The following B9D1 variants were observed in gnomAD, a reference collection of about 807,000 sequenced individuals.
B9D1 encodes B9 domain-containing protein 1.
In B9D1, 20 loss-of-function variants were observed where a neutral mutation model predicts 26.1. That is an observed-to-expected ratio of 0.77 (90% CI 0.54 to 1.12). The LOEUF is 1.12. B9D1 is among the 50% of genes most tolerant of loss of function. B9D1 has a pLI of 0.00. For missense variants in B9D1, 260 were observed against 273.7 expected, an observed-to-expected ratio of 0.95 and a Z score of 0.35; for synonymous variants, 105 against 103.1, an observed-to-expected ratio of 1.02 and a Z score of -0.11.
At chr17:19,364,116 G>A (rs1273366691), upstream of B9D1, among the ~76,000 whole-genome samples, 1 of 152,208 alleles carries the variant, frequency 6.6e-6, no homozygotes, top group Non-Finnish European at 1.5e-5. The surrounding 1 kb of genome is among the most constrained non-coding windows in gnomAD (Gnocchi z 4.3). Flanking sequence ...TTGCACACAA[G>A]TTAGTTTTCA....
intron 3 of B9D1, among the ~76,000 whole-genome samples, chr17:19,352,500 C>T (rs1361260612): frequency 6.6e-6 from 1 of 150,994 alleles, no homozygotes; most frequent in African/African-American, 2.4e-5. Flanking sequence ...AGGCACCTGC[C>T]ACGGGCCTGG....
upstream of B9D1, among the ~76,000 whole-genome samples, chr17:19,364,057 TATCA>T (rs1400592006): frequency 6.6e-6 from 1 of 152,222 alleles, no homozygotes; most frequent in East Asian, 1.9e-4. The surrounding 1 kb of genome is among the most constrained non-coding windows in gnomAD (Gnocchi z 4.3). Context: ...CCACACATTC[TATCA>T]GTCTCACCCA....
At position 19,343,793 on chromosome 17, in the gene B9D1, C is replaced by T. The variant is rs146272049; in HGVS notation, c.469G>A (p.Glu157Lys). The T allele has an allele frequency of 2.9e-5, 47 of 1,613,264 alleles. No individual in the cohort carries two copies. The highest frequency in any genetic ancestry group is 3.9e-5 in the Non-Finnish European group (46 of 1,179,452). The change falls in exon 6 of 7, where the codon GAA (glutamate) becomes AAA (lysine). Residue 157 changes from glutamate (E) to lysine (K), a missense_variant. Glu to Lys is a moderately conservative substitution (Grantham distance 56). Coordinates refer to ENST00000261499, the MANE Select transcript of B9D1 (RefSeq NM_015681.6). ...AAGAGAGGGGAGGGAGCTTTACCTT[C>T]CCGGCCTTCACCCTGAGCCACCACC... The part of the protein sequence containing the change: ...PKVVAQGEGR[E>K]VTRVRSQGFV...
intron 1 of B9D1, among the ~76,000 whole-genome samples, chr17:19,361,178 T>A (rs941903617): frequency 2.6e-5 from 4 of 152,078 alleles, no homozygotes; most frequent in Admixed American, 6.6e-5. Flanking sequence ...GAAAGCAAAC[T>A]CAGGGCTCCC....
chr17:19,337,782 A>G (rs72836802), downstream of B9D1: 89,071 of 1,469,554 alleles, frequency 0.061, 3,042 homozygotes, highest in East Asian at 0.12. Context: ...GGTCAAGCAT[A>G]GATTTCTTAC....
chr17:19,347,970 C>A lies in B9D1; in HGVS notation c.245-90G>T. On this transcript the variant is annotated intron_variant, in intron 3 of 6. Transcript: ENST00000261499. This position sits in a 1 kb window ranked among gnomAD's most constrained non-coding sequence, Gnocchi z 4.3. ...CAGGGCGTGTCCAGCTGAGGGTGCT[C>A]AAAGGATGGAGCTCAAAACTCTGGG... 1 of 1,152,714 alleles carries A rather than the reference C, an allele frequency of 8.7e-7. No homozygotes were observed. Among genetic ancestry groups the A allele is most frequent in the South Asian group, 1.3e-5 (1 of 78,116 alleles). 71.4% of individuals were successfully genotyped at this position (1,152,714 alleles called of 1,614,324 possible). A position where few individuals can be genotyped will look rare whatever the true frequency, so the allele number is the denominator to read the frequency against.
rs752718131 is a variant in B9D1 at position 19,347,824 on chromosome 17, G to C, written c.301C>G (p.Arg101Gly). 1.3e-5 allele frequency: 21 copies of C among 1,613,954 alleles called. No homozygotes were observed. The highest frequency in any genetic ancestry group is 1.6e-5 in the Non-Finnish European group (19 of 1,180,026). Reference sequence around the variant, plus strand: ...GGCACGTGCACGGCCCCATAGCCTCGAACCACATCGTTCCCGAACACATCT... The same window carrying C: ...GGCACGTGCACGGCCCCATAGCCTCCAACCACATCGTTCCCGAACACATCT... ...GPDVFGNDVV[R>G]GYGAVHVPFS... The change falls in exon 4 of 7, where the codon CGA (arginine) becomes GGA (glycine). Residue 101 changes from arginine (R) to glycine (G), a missense_variant. By Grantham distance (125) the Arg-to-Gly change is moderately radical (BLOSUM62 -2). Transcript: ENST00000261499. The surrounding 1 kb of genome is among the most constrained non-coding windows in gnomAD (Gnocchi z 4.3).
intron 3 of B9D1, among the ~76,000 whole-genome samples, chr17:19,351,141 A>C (rs547996656): frequency 6.6e-6 from 1 of 151,848 alleles, no homozygotes; most frequent in African/African-American, 2.4e-5. Context: ...GCCTGGCCTG[A>C]CTCTGACTTT....
chr17:19,365,022 A>C (rs1911513159), upstream of B9D1, among the ~76,000 whole-genome samples: 1 of 152,224 alleles, frequency 6.6e-6, no homozygotes, highest in African/African-American at 2.4e-5. The surrounding 1 kb of genome is among the most constrained non-coding windows in gnomAD (Gnocchi z 5.0). Context: ...CCAGTCTCTC[A>C]ACCATCCCAG....
intron 3 of B9D1, among the ~76,000 whole-genome samples, chr17:19,349,716 G>A (rs1909336170): frequency 6.6e-6 from 1 of 152,120 alleles, no homozygotes; most frequent in African/African-American, 2.4e-5. Flanking sequence ...GTGTGTATAT[G>A]TGTGTTTATC....
In B9D1 at chr17:19,357,860, T is replaced by C; in HGVS notation, c.224A>G (p.Lys75Arg). Reference protein sequence around the residue: ...VWNFPIDVTFKSTNPYGWPQI... With the variant: ...VWNFPIDVTFRSTNPYGWPQI... ...CTCACAGCCGTAGGGGTTGGTGCTT[T>C]TAAAGGTGACATCAATGGGGAAGTT... The change falls in exon 3 of 7, where the codon AAA becomes AGA. Residue 75 changes from lysine (K) to arginine (R), a missense_variant. By Grantham distance (26) the Lys-to-Arg change is conservative. Coordinates refer to ENST00000261499, the MANE Select transcript of B9D1 (RefSeq NM_015681.6). 1 of 1,613,952 alleles carries C rather than the reference T, an allele frequency of 6.2e-7. No individual in the cohort carries two copies. Among genetic ancestry groups the C allele is most frequent in the South Asian group, 1.1e-5 (1 of 91,062 alleles).
At chr17:19,343,092 G>A, downstream of B9D1, 5 of 1,416,064 alleles carry the variant, frequency 3.5e-6, no homozygotes, top group Non-Finnish European at 4.6e-6. Context: ...GAGCCCTGGA[G>A]GTGGGGCCAG....
At chr17:19,374,233 G>C (rs1179095931) in intron 1 of B9D1, among the ~76,000 whole-genome samples, 1 of 152,200 alleles carries the variant, frequency 6.6e-6, no homozygotes, top group Non-Finnish European at 1.5e-5. Flanking sequence ...TGGGGAGGCT[G>C]TCAGGGAGTG....
downstream of B9D1, chr17:19,337,463 T>C: frequency 2.1e-6 from 1 of 468,846 alleles, no homozygotes; most frequent in South Asian, 3.0e-5. Flanking sequence ...CCTGCAGCCC[T>C]CTGCTCTCTG....
chr17:19,375,294 A>C (rs1912052712), intron 1 of B9D1, among the ~76,000 whole-genome samples: 1 of 146,304 alleles, frequency 6.8e-6, no homozygotes, highest in South Asian at 2.2e-4. Flanking sequence ...TCTCAAAAAG[A>C]AAAAAAAAAA....
Position 19,347,928 on chromosome 17 carries a change from A to G in B9D1, c.245-48T>C. 6.5e-7 allele frequency: 1 copy of G among 1,529,634 alleles called. No homozygotes were observed. Among genetic ancestry groups the G allele is most frequent in the Non-Finnish European group, 9.0e-7 (1 of 1,105,170 alleles). 94.8% of individuals were successfully genotyped at this position (1,529,634 alleles called of 1,614,324 possible). On this transcript the variant is annotated intron_variant, in intron 3 of 6. Transcript: ENST00000261499. The surrounding 1 kb of genome is among the most constrained non-coding windows in gnomAD (Gnocchi z 4.3). ...GTGGGCACATGAGGACACACAGGGG[A>G]GGTGCAGGGCAGAGAACAGGGCGTG...
At chr17:19,350,300 C>T (rs9899649) in intron 3 of B9D1, among the ~76,000 whole-genome samples, 108,186 of 151,888 alleles carry the variant, frequency 0.71, 40,647 homozygotes, top group Non-Finnish European at 0.8. Flanking sequence ...AATCCCAGCA[C>T]TTTGGGAGGC....
downstream of B9D1, chr17:19,337,716 A>G (rs1907564136): frequency 6.5e-7 from 1 of 1,534,370 alleles, no homozygotes; most frequent in Non-Finnish European, 8.7e-7. Context: ...ATCTTGAAAC[A>G]CTGCTATCTT....
downstream of B9D1, chr17:19,335,662 G>T (rs1460814385): frequency 2.2e-5 from 9 of 416,298 alleles, no homozygotes; most frequent in East Asian, 3.2e-4. Flanking sequence ...CCACCTACCT[G>T]CTAACTCCAG....
Sources: allele counts gnomAD v4.1 joint callset (sites outside exome capture counted in the v4.1 genomes callset), GRCh38; gene constraint gnomAD v4.1.1; non-coding constraint Gnocchi (gnomAD v3.1); transcripts MANE v1.5; gene names NCBI Gene and HGNC (gene_info 2026-07-23, HGNC 2026-07-21).